The following EEIG2 variants were observed in gnomAD, a reference collection of about 807,000 sequenced individuals.
EEIG2 encodes the protein family with sequence similarity 102 member B.
chr1:108,569,009 G>A, the EEIG2 span, among the ~76,000 whole-genome samples: 4 of 152,170 alleles, frequency 2.6e-5, no homozygotes. Context: ...CACTCTTTTA[G>A]ACATGAGAAA....
chr1:108,573,894 G>T, the EEIG2 span, among the ~76,000 whole-genome samples: 1 of 152,186 alleles, frequency 6.6e-6, no homozygotes, highest in South Asian at 2.1e-4. Context: ...AATAACAAGT[G>T]TTGGCAATGA....
chr1:108,591,570 A>C, the EEIG2 span, among the ~76,000 whole-genome samples: 31 of 152,368 alleles, frequency 2.0e-4, no homozygotes, highest in East Asian at 5.4e-3. Context: ...ACTCTGCCAG[A>C]AACAAGGCAG....
the EEIG2 span, among the ~76,000 whole-genome samples, chr1:108,571,185 C>T: frequency 1.3e-5 from 2 of 152,018 alleles, no homozygotes; most frequent in African/African-American, 4.8e-5. Flanking sequence ...ATAAGCCAGA[C>T]ATCACGTGCC....
the EEIG2 span, chr1:108,627,899 A>G: frequency 2.5e-6 from 1 of 407,884 alleles, no homozygotes; most frequent in Admixed American, 3.8e-5. Context: ...ACAGGAGTTT[A>G]TTGCATAGAC....
chr1:108,628,578 T>C, the EEIG2 span: 1 of 1,603,320 alleles, frequency 6.2e-7, no homozygotes, highest in Non-Finnish European at 8.5e-7. Flanking sequence ...TCAGAAAAAC[T>C]CAGCAGGTAT....
chr1:108,598,831 T>C, the EEIG2 span, among the ~76,000 whole-genome samples: 8 of 152,078 alleles, frequency 5.3e-5, no homozygotes, highest in Non-Finnish European at 1.5e-5. Context: ...TGTGTACTGA[T>C]GGAGAAATCA....
At chr1:108,597,046 C>T in the EEIG2 span, among the ~76,000 whole-genome samples, 3 of 152,060 alleles carry the variant, frequency 2.0e-5, no homozygotes, top group Non-Finnish European at 4.4e-5. Flanking sequence ...TTTTTCTATT[C>T]ATCTTGGTTT....
the EEIG2 span, chr1:108,634,995 C>A: frequency 2.1e-6 from 2 of 951,752 alleles, no homozygotes; most frequent in Non-Finnish European, 3.3e-6. Flanking sequence ...TTATGGAAAT[C>A]AAATCTAGTA....
At chr1:108,576,517 A>G in the EEIG2 span, among the ~76,000 whole-genome samples, 11 of 133,578 alleles carry the variant, frequency 8.2e-5, no homozygotes, top group East Asian at 6.7e-4. Flanking sequence ...TCATTGTTCA[A>G]TTCCCACCTA....
At chr1:108,622,811 T>A in the EEIG2 span, among the ~76,000 whole-genome samples, 1 of 152,222 alleles carries the variant, frequency 6.6e-6, no homozygotes, top group South Asian at 2.1e-4. Context: ...AATAACAGGG[T>A]AAGAATTTAA....
chr1:108,600,570 G>A, the EEIG2 span: 1 of 1,610,550 alleles, frequency 6.2e-7, no homozygotes, highest in Non-Finnish European at 8.5e-7. Flanking sequence ...CTTCAGGGAG[G>A]TGGTACAAGC....
the EEIG2 span, among the ~76,000 whole-genome samples, chr1:108,620,547 G>C: frequency 1.3e-5 from 2 of 152,202 alleles, no homozygotes; most frequent in South Asian, 2.1e-4. Context: ...TGGGAATGTG[G>C]TGGCAAAGCA....
At chr1:108,574,433 C>T in the EEIG2 span, among the ~76,000 whole-genome samples, 1 of 152,108 alleles carries the variant, frequency 6.6e-6, no homozygotes, top group Non-Finnish European at 1.5e-5. Context: ...GGACATTGGA[C>T]ACTACTGAAC....
the EEIG2 span, chr1:108,635,889 A>G: frequency 1.3e-5 from 2 of 152,248 alleles, no homozygotes; most frequent in African/African-American, 4.8e-5. Context: ...AATAAGTTTA[A>G]CACTTACTGT....
chr1:108,604,405 A>G, the EEIG2 span, among the ~76,000 whole-genome samples: 1 of 152,224 alleles, frequency 6.6e-6, no homozygotes, highest in Non-Finnish European at 1.5e-5. Flanking sequence ...GTTAAAACAT[A>G]TAAGTGGTCA....
chr1:108,613,605 C>CA, the EEIG2 span, among the ~76,000 whole-genome samples: 5 of 151,008 alleles, frequency 3.3e-5, no homozygotes, highest in African/African-American at 7.3e-5. Context: ...CTTTGTCCTA[C>CA]AAAAAAAAAT....
the EEIG2 span, chr1:108,560,399 C>T: frequency 5.2e-6 from 8 of 1,551,156 alleles, no homozygotes; most frequent in African/African-American, 1.4e-5. Flanking sequence ...CCCGGCCGTG[C>T]GCCCAGCTTG....
chr1:108,590,931 T>C, the EEIG2 span, among the ~76,000 whole-genome samples: 1 of 152,196 alleles, frequency 6.6e-6, no homozygotes. Flanking sequence ...TTTAAAGACT[T>C]TCTAGATTTT....
At chr1:108,565,055 A>G in the EEIG2 span, among the ~76,000 whole-genome samples, 1 of 152,238 alleles carries the variant, frequency 6.6e-6, no homozygotes, top group Non-Finnish European at 1.5e-5. Flanking sequence ...AAAGACTAAA[A>G]GGTAATTATT....
Sources: allele counts gnomAD v4.1 joint callset (sites outside exome capture counted in the v4.1 genomes callset), GRCh38; gene constraint gnomAD v4.1.1; transcripts MANE v1.5; gene names NCBI Gene and HGNC (gene_info 2026-07-23, HGNC 2026-07-21).